Variants in SYF2 observed in about 807,000 individuals in gnomAD.
SYF2 encodes pre-mRNA-splicing factor SYF2.
Under a neutral mutation model 32.7 loss-of-function variants are expected in SYF2, and 21 were observed. The ratio of observed to expected loss-of-function variants is 0.64; its 90% CI spans 0.45 to 0.92. The LOEUF is 0.92. Among genes scored for constraint, SYF2 ranks in the 40% least tolerant of loss-of-function variants. The pLI is 0.00. For missense variants in SYF2, 278 were observed against 296.5 expected, an observed-to-expected ratio of 0.94 and a Z score of 0.46; for synonymous variants, 114 against 103.9, an observed-to-expected ratio of 1.10 and a Z score of -0.59.
rs1230205308 is a variant in SYF2, at chr1:25,223,434, G to A, written c.567-3C>T. The A allele has an allele frequency of 1.1e-5, 17 of 1,595,026 alleles. No homozygotes were observed. Among genetic ancestry groups the A allele is most frequent in the Middle Eastern group, 1.7e-4 (1 of 5,820 alleles). On this transcript the variant is annotated splice_region_variant and splice_polypyrimidine_tract_variant and intron_variant, in intron 6 of 6. Coordinates refer to ENST00000236273, the MANE Select transcript of SYF2 (RefSeq NM_015484.5). Reference sequence around the variant, plus strand: ...TATATTTGTCTCGTTTTTCAATCCTGGGGAAAGAAGAAAATTTACAAAATT... The same window carrying A: ...TATATTTGTCTCGTTTTTCAATCCTAGGGAAAGAAGAAAATTTACAAAATT...
rs184024074 is a variant in SYF2 at position 25,229,536 on chromosome 1, A to G, written c.133-413T>C. The stretch of plus-strand genomic sequence containing the variant: ...ACGCTTGTAATCCTAGCACTTTGGG[A>G]GGCTGAGGCAGGTGGATCACCTGAG... On this transcript the variant is annotated intron_variant, in intron 2 of 6. Coordinates refer to ENST00000236273, the MANE Select transcript of SYF2 (RefSeq NM_015484.5). Among the ~76,000 whole-genome samples, 52 of 152,298 alleles carry G rather than the reference A, an allele frequency of 3.4e-4. 1 individual carries two copies. The highest frequency in any genetic ancestry group is 1.1e-3 in the African/African-American group (44 of 41,578).
At chr1:25,232,344 C>A (rs529160303) in intron 1 of SYF2, 100 bp downstream of exon 1, 1 of 1,603,450 alleles carries the variant, frequency 6.2e-7, no homozygotes, top group Non-Finnish European at 8.5e-7. Flanking sequence ...AGTGTCTGAG[C>A]CTCCCTGAAG....
chr1:25,226,987 A>G (rs1163416022), intron 5 of SYF2, among the ~76,000 whole-genome samples: 4 of 152,042 alleles, frequency 2.6e-5, no homozygotes, highest in African/African-American at 7.2e-5. Flanking sequence ...TCTCTTAAAA[A>G]AAAAAAAAGG....
chr1:25,229,822 CTTTT>C lies in SYF2; in HGVS notation c.133-703_133-700del, dbSNP rs912726470. On this transcript the variant is annotated intron_variant, in intron 2 of 6. Coordinates refer to ENST00000236273, the MANE Select transcript of SYF2 (RefSeq NM_015484.5). ...TCACATGATGTGAAAGACACTCTTT[CTTTT>C]TTTTTTTTGAGACAGAGTCTCACTC... Among the ~76,000 whole-genome samples, 87 of 141,666 alleles carry C rather than the reference CTTTT, an allele frequency of 6.1e-4. 1 individual carries two copies. Among genetic ancestry groups the C allele is most frequent in the Non-Finnish European group, 1.1e-4 (7 of 64,568 alleles). 92.9% of individuals were successfully genotyped at this position (141,666 alleles called of 152,430 possible).
chr1:25,228,195 A>G lies in SYF2; in HGVS notation c.299T>C (p.Leu100Ser), dbSNP rs765562725. ...ARGEDYEKVK[L>S]LEISAEDAER... is the part of the protein sequence containing the mutation. ...TGCATCTTCTGCACTGATCTCCAGC[A>G]ACTTCACTTTCTCATAGTCTTCTCC... Residue 100 changes from leucine to serine, a missense_variant, in exon 4 of 7, where the codon TTG becomes TCG. By Grantham distance (145) the Leu-to-Ser change is moderately radical. Coordinates refer to ENST00000236273, the MANE Select transcript of SYF2 (RefSeq NM_015484.5). 1.2e-6 allele frequency: 2 copies of G among 1,613,672 alleles called. No individual in the cohort carries two copies. The highest frequency in any genetic ancestry group is 8.5e-7 in the Non-Finnish European group (1 of 1,179,994).
rs969166243 is a variant in SYF2 at position 25,222,534 on chromosome 1, G to A, written c.*732C>T. The A allele has an allele frequency of 6.6e-6, 1 of 151,970 alleles. No individual in the cohort carries two copies. The highest frequency in any genetic ancestry group is 1.9e-4 in the East Asian group (1 of 5,200). The allele number at this position is 151,970 out of a possible 1,614,324, so 9.4% of individuals were successfully genotyped here. A position where few individuals can be genotyped will look rare whatever the true frequency, so the allele number is the denominator to read the frequency against. ...GTTAATGATTGTTGAACAGGGTACT[G>A]GGTATATGGGACTCACCAGGGGTAT... On this transcript the variant is annotated 3_prime_UTR_variant, in exon 7 of 7. Transcript: ENST00000236273.
At chr1:25,229,762 G>A (rs192067250) in intron 2 of SYF2, among the ~76,000 whole-genome samples, 1,616 of 147,468 alleles carry the variant, frequency 0.011, 20 homozygotes, top group African/African-American at 0.037. Context: ...GTGACAGAGC[G>A]AGACTCCATC....
In SYF2 at chr1:25,223,375, A is replaced by G; in HGVS notation, c.623T>C (p.Ile208Thr). The change falls in exon 7 of 7, where the codon ATC (isoleucine) becomes ACC (threonine). Residue 208 changes from isoleucine (I) to threonine (T), a missense_variant. Transcript: ENST00000236273. ...RRRPYNDDAD[I>T]DYINERNAKF... ...GGCATTCCTTTCATTAATGTAGTCGATATCTGCATCATCATTATAAGGACG... is the reference window on the plus strand; with the variant it reads ...GGCATTCCTTTCATTAATGTAGTCGGTATCTGCATCATCATTATAAGGACG... 1.9e-6 allele frequency: 3 copies of G among 1,613,954 alleles called. No individual in the cohort carries two copies. The highest frequency in any genetic ancestry group is 2.5e-6 in the Non-Finnish European group (3 of 1,179,960).
At chr1:25,224,621 C>T (rs1638470930) in intron 6 of SYF2, among the ~76,000 whole-genome samples, 1 of 152,150 alleles carries the variant, frequency 6.6e-6, no homozygotes, top group South Asian at 2.1e-4. Flanking sequence ...TCTGCTCTAC[C>T]TAATAGTCGC....
chr1:25,229,146 C>CT (rs1638577416), intron 2 of SYF2, 23 bp from the exon 3 acceptor site: 1 of 1,605,950 alleles, frequency 6.2e-7, no homozygotes, highest in Non-Finnish European at 8.5e-7. Context: ...CACAAGAAGT[C>CT]TGTCAGCTAA....
Position 25,222,554 on chromosome 1 carries a change from G to A in SYF2, c.*712C>T, listed in dbSNP as rs1244733396. 1 of 151,994 alleles carries A rather than the reference G, an allele frequency of 6.6e-6. No individual in the cohort carries two copies. Among genetic ancestry groups the A allele is most frequent in the African/African-American group, 2.4e-5 (1 of 41,368 alleles). 9.4% of individuals were successfully genotyped at this position (151,994 alleles called of 1,614,324 possible). A position where few individuals can be genotyped will look rare whatever the true frequency, so the allele number is the denominator to read the frequency against. ...GTACTGGGTATATGGGACTCACCAG[G>A]GGTATTGGGTGTATGGAATTTCCCA... On this transcript the variant is annotated 3_prime_UTR_variant, in exon 7 of 7. Coordinates refer to ENST00000236273, the MANE Select transcript of SYF2 (RefSeq NM_015484.5).
chr1:25,226,645 G>A (rs918928958), intron 5 of SYF2, among the ~76,000 whole-genome samples: 1 of 152,186 alleles, frequency 6.6e-6, no homozygotes, highest in African/African-American at 2.4e-5. Flanking sequence ...CAAAAAACAT[G>A]TGATTAATTT....
chr1:25,230,534 C>A (rs533672846), intron 2 of SYF2: 2 of 152,144 alleles, frequency 1.3e-5, no homozygotes, highest in East Asian at 1.9e-4. Flanking sequence ...GATTAACTTT[C>A]CCTCGGCAAA....
At chr1:25,229,340 G>A (rs1186067471) in intron 2 of SYF2, among the ~76,000 whole-genome samples, 11 of 152,196 alleles carry the variant, frequency 7.2e-5, no homozygotes, top group African/African-American at 2.2e-4. Context: ...AGTTGCACTG[G>A]TTTGCTGTTC....
chr1:25,227,441 C>T lies in SYF2; in HGVS notation c.467+1G>A, dbSNP rs745678150. 6.2e-7 allele frequency: 1 copy of T among 1,612,660 alleles called. No individual in the cohort carries two copies. The highest frequency in any genetic ancestry group is 8.5e-7 in the Non-Finnish European group (1 of 1,179,348). On this transcript the variant is annotated splice_donor_variant, in intron 5 of 6. Coordinates refer to ENST00000236273, the MANE Select transcript of SYF2 (RefSeq NM_015484.5). LOFTEE classifies it high-confidence loss of function. Reference sequence around the variant, plus strand: ...TCACCTCAGGTTGAAAAAGGACTTACTGTTTTTCTCTCAGTCTCTCATATG... The same window carrying T: ...TCACCTCAGGTTGAAAAAGGACTTATTGTTTTTCTCTCAGTCTCTCATATG...
At chr1:25,225,678 T>C (rs1205457741) in intron 5 of SYF2, among the ~76,000 whole-genome samples, 1 of 149,286 alleles carries the variant, frequency 6.7e-6, no homozygotes, top group Non-Finnish European at 1.5e-5. Context: ...GCCAACATGG[T>C]GATACCCCAT....
chr1:25,232,354 G>A lies in SYF2; in HGVS notation c.24+90C>T, dbSNP rs1302730143. ...CCCACAGTGTCTGAGCCTCCCTGAA[G>A]CGAAACTAGACTTCGCCTCCACCTC... On this transcript the variant is annotated intron_variant, in intron 1 of 6. Transcript: ENST00000236273. 2.5e-6 allele frequency: 4 copies of A among 1,608,600 alleles called. No individual in the cohort carries two copies. The East Asian group carries it at 6.7e-5, about 27-fold the overall frequency.
At chr1:25,229,754 G>T (rs1638590347) in intron 2 of SYF2, among the ~76,000 whole-genome samples, 1 of 148,400 alleles carries the variant, frequency 6.7e-6, no homozygotes, top group South Asian at 2.1e-4. Context: ...CAGCCTGGGT[G>T]ACAGAGCGAG....
chr1:25,231,809 G>A, intron 2 of SYF2: 1 of 478,056 alleles, frequency 2.1e-6, no homozygotes, highest in Non-Finnish European at 3.8e-6. Flanking sequence ...TGAAGAATTT[G>A]TTGGAATCAC....
Sources: gnomAD v4.1 joint callset for allele counts (sites outside exome capture counted in the v4.1 genomes callset) on GRCh38, gnomAD v4.1.1 for gene constraint, MANE v1.5 for transcripts, NCBI Gene and HGNC (gene_info 2026-07-23, HGNC 2026-07-21) for gene names.